The following ZAP70 variants were observed in gnomAD, a reference collection of about 807,000 sequenced individuals.
The protein encoded by ZAP70 is tyrosine-protein kinase ZAP-70.
ZAP70 carries 27 observed loss-of-function variants against 65.8 expected under a neutral mutation model. The observed-to-expected ratio is 0.41, with a 90% CI of 0.30 to 0.57. ZAP70 has a LOEUF of 0.57. ZAP70 is among the 20% of genes least tolerant of loss of function. The probability of loss-of-function intolerance (pLI) is 0.28; values close to 1 mark genes in which losing one functional copy is unlikely to be tolerated. For synonymous variants in ZAP70, 363 were observed against 360.8 expected (o/e 1.01, Z -0.07); for missense variants, 696 against 870.5 (o/e 0.80, Z 2.52).
intron 2 of ZAP70, among the ~76,000 whole-genome samples, chr2:97,716,014 G>T (rs1351012871): frequency 6.6e-6 from 1 of 152,206 alleles, no homozygotes; most frequent in Non-Finnish European, 1.5e-5. Context: ...TGATGTGGGA[G>T]GATGGGGACC....
intron 4 of ZAP70, among the ~76,000 whole-genome samples, chr2:97,730,926 G>T (rs2104681280): frequency 6.6e-6 from 1 of 152,106 alleles, no homozygotes; most frequent in South Asian, 2.1e-4. Flanking sequence ...GTGGTGGTGT[G>T]CACCTGCAGT....
At chr2:97,734,881 A>C (rs1677789364) in intron 9 of ZAP70, 169 bp downstream of exon 9, 1 of 937,684 alleles carries the variant, frequency 1.1e-6, no homozygotes, top group East Asian at 2.6e-5. Flanking sequence ...AGAGCTCGGG[A>C]CACCTGACGG....
In ZAP70 at chr2:97,737,101, G is replaced by A. The variant is rs1677922547; in HGVS notation, c.1290-372G>A. ...GCTGATGGATTGGGTGTGAGAGAAA[G>A]AGGAGCTGCTGGAGAGGACAGTGGA... On this transcript the variant is annotated intron_variant, in intron 10 of 13. Coordinates refer to ENST00000264972, the MANE Select transcript of ZAP70 (RefSeq NM_001079.4). The surrounding 1 kb of genome is among the most constrained non-coding windows in gnomAD (Gnocchi z 5.0). Among the ~76,000 whole-genome samples the A allele has an allele frequency of 6.6e-6, 1 of 152,180 alleles. No individual in the cohort carries two copies. The highest frequency in any genetic ancestry group is 1.5e-5 in the Non-Finnish European group (1 of 68,014).
In ZAP70 at chr2:97,731,887, C is replaced by T. The variant is rs1306395838; in HGVS notation, c.564-996C>T. Among the ~76,000 whole-genome samples the T allele has an allele frequency of 6.6e-6, 1 of 152,162 alleles. No homozygotes were observed. Among genetic ancestry groups the T allele is most frequent in the Non-Finnish European group, 1.5e-5 (1 of 68,030 alleles). On this transcript the variant is annotated intron_variant, in intron 4 of 13. Coordinates refer to ENST00000264972, the MANE Select transcript of ZAP70 (RefSeq NM_001079.4). The surrounding 1 kb of genome is among the most constrained non-coding windows in gnomAD (Gnocchi z 4.0). The stretch of plus-strand genomic sequence containing the variant: ...ATCAGGAGTCGGCTGCTTCCGGCCT[C>T]CACAGCTTCCACGGGGCCAGCTGCC...
downstream of ZAP70, among the ~76,000 whole-genome samples, chr2:97,741,405 G>A (rs1442983414): frequency 2.6e-5 from 4 of 151,716 alleles, no homozygotes; most frequent in African/African-American, 7.3e-5. Context: ...CGTCCCCACC[G>A]GTGATGTCCC....
At chr2:97,734,212 T>C (rs1485410946) in intron 8 of ZAP70, 13 of 543,638 alleles carry the variant, frequency 2.4e-5, no homozygotes, top group Non-Finnish European at 3.5e-5. Context: ...GGCCCGGCCA[T>C]AGGCGTACAC....
intron 9 of ZAP70, 153 bp downstream of exon 9, chr2:97,734,865 C>T (rs989047375): frequency 9.3e-7 from 1 of 1,077,042 alleles, no homozygotes; most frequent in African/African-American, 1.6e-5. Flanking sequence ...TGGAGGATTC[C>T]CTGAGAGAGC....
intron 4 of ZAP70, chr2:97,732,631 A>T: frequency 1.7e-6 from 1 of 590,186 alleles, no homozygotes. Context: ...GTGAATGGCC[A>T]TCTGTTGGCT....
chr2:97,755,185 G>C, the ZAP70 span, among the ~76,000 whole-genome samples: 1 of 152,162 alleles, frequency 6.6e-6, no homozygotes, highest in Non-Finnish European at 1.5e-5. Context: ...CAACCGATGC[G>C]TTGTGGCGTA....
rs551969522 is a variant in ZAP70 at position 97,736,969 on chromosome 2, C to A, written c.1290-504C>A. ...CCTGGGCGGAGCTGACTATTCCTGC[C>A]TGGGGGTCCAGGTGAGTGATGCTGC... On this transcript the variant is annotated intron_variant, in intron 10 of 13. Transcript: ENST00000264972. The surrounding 1 kb of genome is among the most constrained non-coding windows in gnomAD (Gnocchi z 4.0). 6.6e-6 allele frequency among the ~76,000 whole-genome samples: 1 copy of A among 152,046 alleles called. No individual in the cohort carries two copies. The highest frequency in any genetic ancestry group is 2.1e-4 in the South Asian group (1 of 4,792).
chr2:97,746,867 T>A, the ZAP70 span, among the ~76,000 whole-genome samples: 36 of 152,338 alleles, frequency 2.4e-4, no homozygotes, highest in Middle Eastern at 6.8e-3. Flanking sequence ...AAGACCTTTG[T>A]ATAAATCAAC....
At chr2:97,718,637 G>A (rs1370257921) in intron 2 of ZAP70, among the ~76,000 whole-genome samples, 3 of 152,250 alleles carry the variant, frequency 2.0e-5, no homozygotes, top group East Asian at 3.9e-4. Flanking sequence ...CCTTAGCCTC[G>A]GGTCATGGAT....
chr2:97,742,079 CAAAG>C (rs887738904), downstream of ZAP70, among the ~76,000 whole-genome samples: 4 of 152,144 alleles, frequency 2.6e-5, no homozygotes, highest in Non-Finnish European at 5.9e-5. Flanking sequence ...CTTCTGGAAA[CAAAG>C]AGAGGTTTTG....
the ZAP70 span, among the ~76,000 whole-genome samples, chr2:97,755,317 A>G: frequency 6.6e-6 from 1 of 152,194 alleles, no homozygotes; most frequent in Non-Finnish European, 1.5e-5. Context: ...TTAGATGTGT[A>G]GTCTTTACTA....
the ZAP70 span, among the ~76,000 whole-genome samples, chr2:97,750,731 C>T: frequency 6.6e-6 from 1 of 152,152 alleles, no homozygotes; most frequent in Non-Finnish European, 1.5e-5. Flanking sequence ...TGTCCTGTTC[C>T]CCTGTGGTGT....
chr2:97,733,816 T>G lies in ZAP70; in HGVS notation c.889+221T>G, dbSNP rs377532746. ...TGACGTGCAGGGAGCACACTTGGCC[T>G]TGCCTGAGGCTCCCCAGACACACGT... On this transcript the variant is annotated intron_variant, in intron 8 of 13. Transcript: ENST00000264972. The G allele has an allele frequency of 7.9e-5, 49 of 617,364 alleles. 1 individual carries two copies. Among genetic ancestry groups the G allele is most frequent in the African/African-American group, 7.9e-4 (43 of 54,408 alleles). The allele number at this position is 617,364 out of a possible 1,614,324, so 38.2% of individuals were successfully genotyped here. A position where few individuals can be genotyped will look rare whatever the true frequency, so the allele number is the denominator to read the frequency against.
In ZAP70 at chr2:97,725,034, G is replaced by A. The variant is rs147346011; in HGVS notation, c.403-58G>A. ...CTCTGGGACAGGGCTCCCGGAAGGGGGTTCCTGTGGCGAGCACTTGGCCAC... is the reference window on the plus strand; with the variant it reads ...CTCTGGGACAGGGCTCCCGGAAGGGAGTTCCTGTGGCGAGCACTTGGCCAC... On this transcript the variant is annotated intron_variant, in intron 3 of 13. Coordinates refer to ENST00000264972, the MANE Select transcript of ZAP70 (RefSeq NM_001079.4). The A allele has an allele frequency of 2.7e-4, 441 of 1,607,528 alleles. 3 individuals are homozygous for A. In the African/African-American group the frequency reaches 5.5e-3, roughly 20 times the overall value.
chr2:97,724,391 C>T lies in ZAP70; in HGVS notation c.355C>T (p.Arg119Ter). ...GCAGCCGGGGGTCTTCGACTGCCTG[C>T]GAGACGCCATGGTGCGTGACTACGT... is the stretch of plus-strand genomic sequence containing the variant. The part of the protein sequence containing the change: ...EPQPGVFDCL[R>*]DAMVRDYVRQ... The change falls in exon 3 of 14, where the codon CGA becomes TGA. Residue 119 changes from arginine (R) to a stop codon, truncating the protein, a stop_gained. Coordinates refer to ENST00000264972, the MANE Select transcript of ZAP70 (RefSeq NM_001079.4). LOFTEE classifies it high-confidence loss of function. 1 of 1,537,060 alleles carries T rather than the reference C, an allele frequency of 6.5e-7. No individual in the cohort carries two copies.
At position 97,737,880 on chromosome 2, in the gene ZAP70, G is replaced by C. The variant is rs776602738; in HGVS notation, c.1606G>C (p.Gly536Arg). The change falls in exon 12 of 14, where the codon GGC becomes CGC. Residue 536 changes from glycine (G) to arginine (R), a missense_variant. Gly to Arg is a moderately radical substitution (Grantham distance 125, BLOSUM62 -2). Transcript: ENST00000264972. The surrounding 1 kb of genome is among the most constrained non-coding windows in gnomAD (Gnocchi z 5.0). ...CACCATGTGGGAGGCCTTGTCCTAC[G>C]GCCAGAAGCCCTACAAGGCAGGCGC... ...GVTMWEALSYGQKPYKKMKGP... is the reference protein window; with the variant it reads ...GVTMWEALSYRQKPYKKMKGP... 1.2e-6 allele frequency: 2 copies of C among 1,614,128 alleles called. No homozygotes were observed. The highest frequency in any genetic ancestry group is 1.7e-6 in the Non-Finnish European group (2 of 1,179,988).
Sources: gnomAD v4.1 joint callset for allele counts (sites outside exome capture counted in the v4.1 genomes callset) on GRCh38, gnomAD v4.1.1 for gene constraint, Gnocchi (gnomAD v3.1) non-coding constraint, MANE v1.5 for transcripts, NCBI Gene and HGNC (gene_info 2026-07-23, HGNC 2026-07-21) for gene names.